The following ZSCAN5A variants were observed in gnomAD, a reference collection of about 807,000 sequenced individuals.
ZSCAN5A encodes the protein zinc finger and SCAN domain containing 5A.
ZSCAN5A carries 12 observed loss-of-function variants against 23.7 expected under a neutral mutation model. The observed-to-expected ratio is 0.51, with a 90% CI of 0.32 to 0.82. The LOEUF (loss-of-function observed/expected upper bound fraction) is 0.82. Ranked by LOEUF, ZSCAN5A falls within the 40% of genes least tolerant of loss-of-function variation. ZSCAN5A has a pLI of 0.03. For missense variants in ZSCAN5A, 597 were observed against 617.9 expected (o/e 0.97, Z 0.36); for synonymous variants, 257 against 239.9 (o/e 1.07, Z -0.66).
At chr19:56,335,307 G>A (rs981708812) in intron 2 of ZSCAN5A, among the ~76,000 whole-genome samples, 4 of 151,882 alleles carry the variant, frequency 2.6e-5, no homozygotes, top group Non-Finnish European at 4.4e-5. Flanking sequence ...TGTGTAAAGA[G>A]AACAAATCTA....
At chr19:56,299,018 T>C (rs998602706) in intron 2 of ZSCAN5A, among the ~76,000 whole-genome samples, 12 of 152,246 alleles carry the variant, frequency 7.9e-5, no homozygotes, top group African/African-American at 2.7e-4. Context: ...AATGCGACAA[T>C]GGTTTAATAG....
chr19:56,231,871 C>T (rs2034488253), intron 2 of ZSCAN5A, among the ~76,000 whole-genome samples: 1 of 152,158 alleles, frequency 6.6e-6, no homozygotes, highest in Non-Finnish European at 1.5e-5. Context: ...CACCATCCTC[C>T]AACGCTTCCC....
At chr19:56,275,423 G>A (rs1288273618) in intron 2 of ZSCAN5A, among the ~76,000 whole-genome samples, 1 of 151,964 alleles carries the variant, frequency 6.6e-6, no homozygotes, top group South Asian at 2.1e-4. Flanking sequence ...TTATATCAGC[G>A]TGAACTCAGG....
At chr19:56,346,000 C>A (rs1164973050) in intron 2 of ZSCAN5A, among the ~76,000 whole-genome samples, 4 of 152,062 alleles carry the variant, frequency 2.6e-5, no homozygotes, top group Non-Finnish European at 5.9e-5. Context: ...GGGAGTTGCA[C>A]CTTCTCCATT....
intron 2 of ZSCAN5A, among the ~76,000 whole-genome samples, chr19:56,324,312 T>C (rs1482467632): frequency 1.3e-5 from 2 of 152,240 alleles, no homozygotes; most frequent in African/African-American, 4.8e-5. Context: ...TATTCTTTTT[T>C]ATGGCTGAAT....
At chr19:56,270,341 C>T (rs945685891) in intron 2 of ZSCAN5A, among the ~76,000 whole-genome samples, 13 of 152,108 alleles carry the variant, frequency 8.5e-5, no homozygotes, top group Non-Finnish European at 8.8e-5. Context: ...TCGTTTGAAC[C>T]CAGGAGGCGG....
chr19:56,248,724 C>G (rs753814354), intron 2 of ZSCAN5A, among the ~76,000 whole-genome samples: 1 of 152,156 alleles, frequency 6.6e-6, no homozygotes, highest in Admixed American at 6.6e-5. Context: ...TGAGCCACCA[C>G]GCCTGGCTAA....
intron 2 of ZSCAN5A, among the ~76,000 whole-genome samples, chr19:56,327,849 T>C (rs190383393): frequency 2.6e-5 from 4 of 152,228 alleles, no homozygotes; most frequent in Admixed American, 2.6e-4. Flanking sequence ...GTGTTATATG[T>C]AGTATTACAT....
intron 2 of ZSCAN5A, chr19:56,280,613 T>G (rs370208027): frequency 1.1e-4 from 17 of 152,306 alleles, no homozygotes; most frequent in African/African-American, 4.1e-4. Flanking sequence ...TTATAATGAA[T>G]AGAAATTTAT....
upstream of ZSCAN5A, chr19:56,316,001 T>C (rs1041765501): frequency 6.6e-6 from 1 of 152,204 alleles, no homozygotes; most frequent in African/African-American, 2.4e-5. Flanking sequence ...TATTGGATGT[T>C]ACGACCACTA....
At chr19:56,329,006 A>AATAAT (rs1012787790) in intron 2 of ZSCAN5A, among the ~76,000 whole-genome samples, 1 of 144,512 alleles carries the variant, frequency 6.9e-6, no homozygotes, top group African/African-American at 2.7e-5. Flanking sequence ...AAAAAAAAAA[A>AATAAT]AAATAAATAA....
chr19:56,302,565 TTCC>T, intron 2 of ZSCAN5A, among the ~76,000 whole-genome samples: 1 of 66,966 alleles, frequency 1.5e-5, no homozygotes, highest in Non-Finnish European at 2.5e-5. Flanking sequence ...CCCTCCCCCC[TTCC>T]TTTTCTTCCT....
At chr19:56,279,738 T>C (rs2147047009) in intron 2 of ZSCAN5A, among the ~76,000 whole-genome samples, 1 of 152,306 alleles carries the variant, frequency 6.6e-6, no homozygotes, top group East Asian at 1.9e-4. Context: ...CCTATGTTAG[T>C]TCCTTCCTAT....
intron 2 of ZSCAN5A, among the ~76,000 whole-genome samples, chr19:56,231,442 C>T (rs945959366): frequency 1.3e-5 from 2 of 152,114 alleles, no homozygotes; most frequent in African/African-American, 2.4e-5. Context: ...TGACCAACCA[C>T]CATCCTTCCC....
At chr19:56,315,176 G>C (rs1210946171), upstream of ZSCAN5A, 1 of 152,358 alleles carries the variant, frequency 6.6e-6, no homozygotes, top group Admixed American at 6.5e-5. Context: ...CGAGACGCCG[G>C]AAGTCTGGGA....
intron 2 of ZSCAN5A, among the ~76,000 whole-genome samples, chr19:56,261,295 T>C (rs2037114589): frequency 6.6e-6 from 1 of 152,174 alleles, no homozygotes; most frequent in South Asian, 2.1e-4. Context: ...AAATTGATGT[T>C]GTCTACAGGA....
At chr19:56,333,882 G>T (rs922600198) in intron 2 of ZSCAN5A, among the ~76,000 whole-genome samples, 4 of 151,664 alleles carry the variant, frequency 2.6e-5, no homozygotes, top group Non-Finnish European at 5.9e-5. Flanking sequence ...TAAGAATCTT[G>T]TCTGCATGAA....
intron 2 of ZSCAN5A, among the ~76,000 whole-genome samples, chr19:56,249,096 T>A (rs1042518004): frequency 6.6e-6 from 1 of 152,152 alleles, no homozygotes; most frequent in Non-Finnish European, 1.5e-5. Context: ...AACTTCTAAA[T>A]TCCTGATTTG....
chr19:56,223,452 T>C (rs1234031034), intron 4 of ZSCAN5A, among the ~76,000 whole-genome samples, 179 bp downstream of exon 4: 1 of 152,238 alleles, frequency 6.6e-6, no homozygotes, highest in African/African-American at 2.4e-5. Flanking sequence ...GAGAGAAAAG[T>C]AGATGAGGCT....
Sources: gnomAD v4.1 joint callset for allele counts (sites outside exome capture counted in the v4.1 genomes callset) on GRCh38, gnomAD v4.1.1 for gene constraint, MANE v1.5 for transcripts, NCBI Gene and HGNC (gene_info 2026-07-23, HGNC 2026-07-21) for gene names.